The following ADAMTS18 variants were observed in gnomAD, a reference collection of about 807,000 sequenced individuals.
ADAMTS18 encodes the protein ADAM metallopeptidase with thrombospondin type 1 motif 18.
In ADAMTS18, 157 loss-of-function variants were observed where a neutral mutation model predicts 165.9. The observed-to-expected ratio is 0.95, with a 90% CI of 0.83 to 1.08. The LOEUF (loss-of-function observed/expected upper bound fraction) is 1.08. Ranked by LOEUF, ADAMTS18 falls within the 50% of genes least tolerant of loss-of-function variation. The pLI is 0.00. For missense variants in ADAMTS18, 2,040 were observed against 1,534.0 expected (o/e 1.33, Z -5.51); for synonymous variants, 782 against 578.2 (o/e 1.35, Z -5.06).
intron 3 of ADAMTS18, among the ~76,000 whole-genome samples, chr16:77,412,965 G>T (rs1247486633): frequency 6.6e-6 from 1 of 152,082 alleles, no homozygotes; most frequent in East Asian, 1.9e-4. Context: ...TGAAAGCTCT[G>T]TGATTGCAAG....
intron 3 of ADAMTS18, among the ~76,000 whole-genome samples, chr16:77,368,073 A>T (rs1388147760): frequency 6.6e-6 from 1 of 152,180 alleles, no homozygotes; most frequent in Non-Finnish European, 1.5e-5. Flanking sequence ...AACAGGGTCA[A>T]TGTGGCCCAA....
At chr16:77,316,613 T>C (rs901630605) in intron 16 of ADAMTS18, among the ~76,000 whole-genome samples, 1 of 152,224 alleles carries the variant, frequency 6.6e-6, no homozygotes, top group African/African-American at 2.4e-5. Context: ...GACTACACTA[T>C]AGCTAGATTC....
At chr16:77,379,374 A>C (rs1430472596) in intron 3 of ADAMTS18, among the ~76,000 whole-genome samples, 1 of 152,232 alleles carries the variant, frequency 6.6e-6, no homozygotes, top group Non-Finnish European at 1.5e-5. Flanking sequence ...TAAAGAGTAA[A>C]TGAATGGCTA....
Position 77,294,955 on chromosome 16 carries a change from G to T in ADAMTS18, c.2974C>A (p.Pro992Thr). 6.2e-7 allele frequency: 1 copy of T among 1,614,128 alleles called. No homozygotes were observed. The highest frequency in any genetic ancestry group is 8.5e-7 in the Non-Finnish European group (1 of 1,180,014). Residue 992 changes from proline (P) to threonine (T), a missense_variant, in exon 19 of 23, where the codon CCT (proline) becomes ACT (threonine). Pro to Thr is a conservative substitution (Grantham distance 38). Coordinates refer to ENST00000282849, the MANE Select transcript of ADAMTS18 (RefSeq NM_199355.4). ...QVQACNSHAC[P>T]PQWSLGPWSQ... is the part of the protein sequence containing the mutation. ...CAGGGTCCAAGGCTCCATTGTGGAG[G>T]GCAGGCATGGCTGTTGCAGGCTTGG... is the stretch of plus-strand genomic sequence containing the variant.
In ADAMTS18 at chr16:77,325,977, T is replaced by A; in HGVS notation, c.1921A>T (p.Asn641Tyr). ...SSRIYQLCNI[N>Y]PCNENSLDFR... ...TCCAAGCTATTTTCATTGCAAGGGT[T>A]AATATTGCACAGCTGATAAATACGG... is the stretch of plus-strand genomic sequence containing the variant. The change falls in exon 13 of 23, where the codon AAC (asparagine) becomes TAC (tyrosine). Residue 641 changes from asparagine to tyrosine, a missense_variant. Asn to Tyr is a moderately radical substitution (Grantham distance 143). Transcript: ENST00000282849. 1 of 1,613,980 alleles carries A rather than the reference T, an allele frequency of 6.2e-7. No homozygotes were observed. The highest frequency in any genetic ancestry group is 8.5e-7 in the Non-Finnish European group (1 of 1,179,886).
intron 16 of ADAMTS18, among the ~76,000 whole-genome samples, chr16:77,301,903 C>T (rs1413991619): frequency 5.3e-5 from 8 of 151,490 alleles, no homozygotes; most frequent in Non-Finnish European, 1.2e-4. Context: ...ACAGGTAGTA[C>T]CATTACATGA....
chr16:77,297,403 A>C lies in ADAMTS18; in HGVS notation c.2687T>G (p.Val896Gly). The C allele has an allele frequency of 6.2e-7, 1 of 1,612,772 alleles. No homozygotes were observed. Among genetic ancestry groups the C allele is most frequent in the Non-Finnish European group, 8.5e-7 (1 of 1,178,770 alleles). The change falls in exon 18 of 23, where the codon GTA (valine) becomes GGA (glycine). Residue 896 changes from valine (V) to glycine (G), a missense_variant. Transcript: ENST00000282849. ...TTGATCTCGCAAGCAAATGGCCTTT[A>C]CATTTATGTAACCTGGTAAGACATC... is the stretch of plus-strand genomic sequence containing the variant. Reference protein sequence around the residue: ...SVSCGGGYINVKAICLRDQNT... With the variant: ...SVSCGGGYINGKAICLRDQNT...
chr16:77,389,834 G>T (rs751238394), intron 3 of ADAMTS18, among the ~76,000 whole-genome samples: 2 of 152,146 alleles, frequency 1.3e-5, no homozygotes, highest in Admixed American at 6.5e-5. Flanking sequence ...GCATAGAATC[G>T]ATCTGTGCAC....
At chr16:77,368,273 G>A (rs2056827503) in intron 3 of ADAMTS18, among the ~76,000 whole-genome samples, 1 of 152,114 alleles carries the variant, frequency 6.6e-6, no homozygotes, top group Non-Finnish European at 1.5e-5. Flanking sequence ...CACAACCACT[G>A]GGCTGCCAGC....
intron 3 of ADAMTS18, among the ~76,000 whole-genome samples, chr16:77,373,494 GA>G (rs1409665184): frequency 2.0e-5 from 3 of 150,768 alleles, no homozygotes; most frequent in East Asian, 2.0e-4. Flanking sequence ...GAAAAGAAAA[GA>G]AAAAAAAGTT....
chr16:77,379,459 T>C (rs1010394962), intron 3 of ADAMTS18, among the ~76,000 whole-genome samples: 11 of 152,114 alleles, frequency 7.2e-5, no homozygotes, highest in Non-Finnish European at 1.2e-4. Context: ...ACTAGAGGTG[T>C]CACCTTATAT....
chr16:77,334,787 TAA>T (rs2056274385), intron 12 of ADAMTS18, among the ~76,000 whole-genome samples: 2 of 100,632 alleles, frequency 2.0e-5, no homozygotes, highest in East Asian at 3.7e-4. Context: ...TAGTATACAG[TAA>T]ATATACTATA....
intron 7 of ADAMTS18, among the ~76,000 whole-genome samples, chr16:77,360,820 C>T (rs945646184): frequency 3.3e-5 from 5 of 152,192 alleles, no homozygotes; most frequent in African/African-American, 1.2e-4. Flanking sequence ...GGCACAGTGG[C>T]TCATGCCCGT....
At chr16:77,332,932 G>A (rs1423539475) in intron 12 of ADAMTS18, among the ~76,000 whole-genome samples, 1 of 152,178 alleles carries the variant, frequency 6.6e-6, no homozygotes, top group East Asian at 1.9e-4. Flanking sequence ...CTCTTGAAAA[G>A]TCAGGCAGAT....
At position 77,399,087 on chromosome 16, in the gene ADAMTS18, C is replaced by G. The variant is rs147423998; in HGVS notation, c.496-31364G>C. Among the ~76,000 whole-genome samples, 147 of 152,330 alleles carry G rather than the reference C, an allele frequency of 9.7e-4. 1 individual carries two copies. The highest frequency in any genetic ancestry group is 3.5e-3 in the African/African-American group (145 of 41,566). Reference sequence around the variant, plus strand: ...CCTTTGTGGGAAATGCCTCCCACCCCACTTTCATTCCATGTGATTCAGCTA... The same window carrying G: ...CCTTTGTGGGAAATGCCTCCCACCCGACTTTCATTCCATGTGATTCAGCTA... On this transcript the variant is annotated intron_variant, in intron 3 of 22. Coordinates refer to ENST00000282849, the MANE Select transcript of ADAMTS18 (RefSeq NM_199355.4).
At chr16:77,385,093 G>C (rs994498767) in intron 3 of ADAMTS18, among the ~76,000 whole-genome samples, 3 of 151,960 alleles carry the variant, frequency 2.0e-5, no homozygotes, top group Non-Finnish European at 4.4e-5. Context: ...ATTTTCAGTA[G>C]AGACAGGGTT....
At chr16:77,432,020 C>A (rs1055215262) in intron 2 of ADAMTS18, among the ~76,000 whole-genome samples, 2 of 152,076 alleles carry the variant, frequency 1.3e-5, no homozygotes, top group African/African-American at 4.8e-5. Context: ...ACTACAAAAT[C>A]GGGAAATTTC....
chr16:77,385,018 C>T (rs1216299901), intron 3 of ADAMTS18, among the ~76,000 whole-genome samples: 1 of 151,724 alleles, frequency 6.6e-6, no homozygotes. Flanking sequence ...CAAGCATTCT[C>T]CTGCCTCAGC....
chr16:77,399,650 A>G lies in ADAMTS18; in HGVS notation c.495+31645T>C, dbSNP rs139773208. Among the ~76,000 whole-genome samples, 101 of 152,290 alleles carry G rather than the reference A, an allele frequency of 6.6e-4. 1 individual carries two copies. Among genetic ancestry groups the G allele is most frequent in the Middle Eastern group, 3.4e-3 (1 of 294 alleles). On this transcript the variant is annotated intron_variant, in intron 3 of 22. Coordinates refer to ENST00000282849, the MANE Select transcript of ADAMTS18 (RefSeq NM_199355.4). ...GAGAAGAAAACACTATACACTTCAT[A>G]GAGTTGTCTGGGGCTGCAAGTAATA...
Sources: gnomAD v4.1 joint callset for allele counts (sites outside exome capture counted in the v4.1 genomes callset) on GRCh38, gnomAD v4.1.1 for gene constraint, MANE v1.5 for transcripts, NCBI Gene and HGNC (gene_info 2026-07-23, HGNC 2026-07-21) for gene names.